The following MERTK variants were observed in gnomAD, a reference collection of about 807,000 sequenced individuals.
MERTK encodes the protein MER proto-oncogene, tyrosine kinase, also known as tyrosine-protein kinase Mer.
In MERTK, 69 loss-of-function variants were observed where a neutral mutation model predicts 99.3. The ratio of observed to expected loss-of-function variants is 0.70; its 90% CI spans 0.57 to 0.85. The LOEUF is 0.85. MERTK is among the 40% of genes least tolerant of loss of function. The pLI, the probability that MERTK is intolerant of heterozygous loss-of-function variation, is 0.00. For synonymous variants in MERTK, 426 were observed against 467.6 expected, an observed-to-expected ratio of 0.91 and a Z score of 1.15; for missense variants, 1,125 against 1,249.4, an observed-to-expected ratio of 0.90 and a Z score of 1.50.
chr2:111,964,594 C>G (rs977016921), intron 4 of MERTK, among the ~76,000 whole-genome samples: 2 of 152,138 alleles, frequency 1.3e-5, no homozygotes, highest in Admixed American at 6.5e-5. Context: ...ATTAATAAAT[C>G]AATTTTTTAA....
Position 112,021,408 on chromosome 2 carries a change from C to A in MERTK, c.2190-14C>A. Reference sequence around the variant, plus strand: ...GCCTCTGACGCTGCTGAAGACGTAACCTGCTCTCTGTAGGTTGCGAGATGA... The same window carrying A: ...GCCTCTGACGCTGCTGAAGACGTAAACTGCTCTCTGTAGGTTGCGAGATGA... On this transcript the variant is annotated splice_polypyrimidine_tract_variant and intron_variant, in intron 16 of 18. Coordinates refer to ENST00000295408, the MANE Select transcript of MERTK (RefSeq NM_006343.3). 6.2e-7 allele frequency: 1 copy of A among 1,612,610 alleles called. No homozygotes were observed. Among genetic ancestry groups the A allele is most frequent in the Non-Finnish European group, 8.5e-7 (1 of 1,179,826 alleles).
At chr2:112,004,076 C>G (rs4848933) in intron 13 of MERTK, 92 bp downstream of exon 13, 679,196 of 1,130,822 alleles carry the variant, frequency 0.6, 207,919 homozygotes, top group Non-Finnish European at 0.62. Flanking sequence ...AATCTCAGTT[C>G]CCAGTGGGCC....
chr2:111,953,863 C>T (rs1267396315), intron 4 of MERTK, among the ~76,000 whole-genome samples: 6 of 152,250 alleles, frequency 3.9e-5, no homozygotes, highest in African/African-American at 9.6e-5. Flanking sequence ...GCGTGAGCCA[C>T]TGTGCCCAGG....
rs1558794531 is a variant in MERTK at position 111,978,129 on chromosome 2, TA to T, written c.1144+2658del. Among the ~76,000 whole-genome samples, 599 of 140,520 alleles carry T rather than the reference TA, an allele frequency of 4.3e-3. 2 individuals are homozygous for T. The highest frequency in any genetic ancestry group is 0.015 in the African/African-American group (581 of 37,596). The allele number at this position is 140,520 out of a possible 152,430, so 92.2% of individuals were successfully genotyped here. On this transcript the variant is annotated intron_variant, in intron 7 of 18. Transcript: ENST00000295408. ...CCAGCTAATTTTTGGTTTTTTTTTT[TA>T]TGTTTTGTTTTTTGGTTGTTTTTTG...
intron 4 of MERTK, among the ~76,000 whole-genome samples, chr2:111,953,783 C>T (rs959265321): frequency 6.6e-6 from 1 of 152,184 alleles, no homozygotes; most frequent in Non-Finnish European, 1.5e-5. Context: ...CCATGTTGGC[C>T]AGGCTAGTCT....
chr2:112,003,754 C>T lies in MERTK; in HGVS notation c.1787-150C>T, dbSNP rs144717058. On this transcript the variant is annotated intron_variant, in intron 12 of 18. Transcript: ENST00000295408. ...GAGCGTGGCGCATCACCCTGGTTTGCGATGTGGGTGGCCTGGGCAGGCTCT... is the reference window on the plus strand; with the variant it reads ...GAGCGTGGCGCATCACCCTGGTTTGTGATGTGGGTGGCCTGGGCAGGCTCT... 1.6e-4 allele frequency: 115 copies of T among 709,964 alleles called. 1 individual carries two copies. The highest frequency in any genetic ancestry group is 1.6e-3 in the South Asian group (107 of 66,394). 44.0% of individuals were successfully genotyped at this position (709,964 alleles called of 1,614,324 possible).
At chr2:111,996,871 A>G (rs1676754440) in intron 9 of MERTK, 2 of 219,376 alleles carry the variant, frequency 9.1e-6, no homozygotes, top group African/African-American at 4.7e-5. Flanking sequence ...CATGACTAGA[A>G]GGCAAACTAT....
At chr2:112,009,494 C>T (rs1024615818) in intron 14 of MERTK, among the ~76,000 whole-genome samples, 4 of 152,218 alleles carry the variant, frequency 2.6e-5, no homozygotes, top group African/African-American at 7.2e-5. Context: ...GACTTCTTCA[C>T]GTGATTAAAT....
chr2:111,956,894 A>G (rs1049626554), intron 4 of MERTK, among the ~76,000 whole-genome samples: 1 of 150,114 alleles, frequency 6.7e-6, no homozygotes, highest in African/African-American at 2.5e-5. Flanking sequence ...CATTTTACAT[A>G]TTAGAAAAAC....
chr2:111,976,921 A>T (rs1477662719), intron 7 of MERTK, among the ~76,000 whole-genome samples: 1 of 152,094 alleles, frequency 6.6e-6, no homozygotes, highest in Non-Finnish European at 1.5e-5. Context: ...CAAGTGATTT[A>T]TACCATTTCA....
rs1684622333 is a variant in MERTK at position 111,929,177 on chromosome 2, C to T, written c.119C>T (p.Pro40Leu). Residue 40 changes from proline to leucine, a missense_variant, in exon 2 of 19, where the codon CCA (proline) becomes CTA (leucine). Pro to Leu is a moderately conservative substitution (Grantham distance 98). Coordinates refer to ENST00000295408, the MANE Select transcript of MERTK (RefSeq NM_006343.3). Reference protein sequence around the residue: ...KPYPLFPGPFPGSLQTDHTPL... With the variant: ...KPYPLFPGPFLGSLQTDHTPL... ...TACCCGCTATTCCCGGGACCTTTTC[C>T]AGGGAGCCTGCAAACTGACCACACA... 7.4e-6 allele frequency: 12 copies of T among 1,614,046 alleles called. No homozygotes were observed. Among genetic ancestry groups the T allele is most frequent in the Non-Finnish European group, 9.3e-6 (11 of 1,180,038 alleles).
chr2:111,976,136 A>G (rs1676241802), intron 7 of MERTK, among the ~76,000 whole-genome samples: 1 of 152,218 alleles, frequency 6.6e-6, no homozygotes, highest in Non-Finnish European at 1.5e-5. Flanking sequence ...AAATGAAGAG[A>G]TGCGGAGGAT....
chr2:111,968,090 A>G, intron 5 of MERTK, 47 bp from the exon 6 acceptor site: 1 of 1,248,774 alleles, frequency 8.0e-7, no homozygotes, highest in Non-Finnish European at 1.2e-6. Context: ...GTCATCTATA[A>G]TTGTGTTTGT....
intron 7 of MERTK, among the ~76,000 whole-genome samples, chr2:111,979,258 G>A (rs999121219): frequency 3.3e-5 from 5 of 152,110 alleles, no homozygotes; most frequent in Non-Finnish European, 7.3e-5. Context: ...TACTGGCTTA[G>A]TAATTTTTCC....
At chr2:111,906,637 C>G (rs1347135601) in intron 1 of MERTK, among the ~76,000 whole-genome samples, 4 of 152,216 alleles carry the variant, frequency 2.6e-5, no homozygotes, top group Non-Finnish European at 5.9e-5. Flanking sequence ...TAACGGCAGG[C>G]TGCCTCCACA....
At chr2:111,980,961 A>G (rs1365179512) in intron 7 of MERTK, among the ~76,000 whole-genome samples, 1 of 152,066 alleles carries the variant, frequency 6.6e-6, no homozygotes, top group African/African-American at 2.4e-5. Context: ...TATTGCCATC[A>G]TAGAGGGGTT....
intron 4 of MERTK, among the ~76,000 whole-genome samples, chr2:111,960,318 T>C (rs1044964754): frequency 1.1e-4 from 17 of 151,568 alleles, no homozygotes; most frequent in African/African-American, 3.4e-4. Flanking sequence ...CTGTCTCCAT[T>C]AAAAATACAA....
rs775507338 is a variant in MERTK, at chr2:112,022,411, G to A, written c.2486+17G>A. On this transcript the variant is annotated intron_variant, in intron 18 of 18. Transcript: ENST00000295408. The stretch of plus-strand genomic sequence containing the variant: ...GGATGAACTGTGAGTGGGCTTCTCT[G>A]TCTCCCTTCCATACTCTGCATGGGG... The A allele has an allele frequency of 1.9e-5, 31 of 1,614,174 alleles. No homozygotes were observed. In the South Asian group the frequency reaches 3.3e-4, roughly 17 times the overall value.
At chr2:111,919,176 C>T (rs541153632) in intron 1 of MERTK, among the ~76,000 whole-genome samples, 6 of 152,248 alleles carry the variant, frequency 3.9e-5, no homozygotes, top group Non-Finnish European at 5.9e-5. Flanking sequence ...TCCTAAAGCA[C>T]GTGCAGTCAA....
Sources: gnomAD v4.1 joint callset for allele counts (sites outside exome capture counted in the v4.1 genomes callset) on GRCh38, gnomAD v4.1.1 for gene constraint, MANE v1.5 for transcripts, NCBI Gene and HGNC (gene_info 2026-07-23, HGNC 2026-07-21) for gene names.